The following MAGI2 variants were observed in gnomAD, a reference collection of about 807,000 sequenced individuals.
MAGI2 encodes membrane-associated guanylate kinase, WW and PDZ domain-containing protein 2.
Under a neutral mutation model 133.3 loss-of-function variants are expected in MAGI2, and 35 were observed. The ratio of observed to expected loss-of-function variants is 0.26; its 90% CI spans 0.20 to 0.35. The LOEUF (loss-of-function observed/expected upper bound fraction) is 0.35, where lower values mean the gene tolerates loss of function less well. MAGI2 is among the 10% of genes least tolerant of loss of function. The probability of loss-of-function intolerance (pLI) is 1.00; values close to 1 mark genes in which losing one functional copy is unlikely to be tolerated. For missense variants in MAGI2, 1,636 were observed against 1,863.4 expected (o/e 0.88, Z 2.25); for synonymous variants, 729 against 710.6 (o/e 1.03, Z -0.41).
chr7:78,131,729 T>C (rs757563), intron 18 of MAGI2, among the ~76,000 whole-genome samples: 112,444 of 152,112 alleles, frequency 0.74, 42,282 homozygotes, highest in African/African-American at 0.88. Flanking sequence ...AAGACAATGT[T>C]GTTCTTATGA....
chr7:78,404,560 A>G (rs921399619), intron 6 of MAGI2, among the ~76,000 whole-genome samples: 1 of 151,834 alleles, frequency 6.6e-6, no homozygotes, highest in Non-Finnish European at 1.5e-5. Flanking sequence ...CAAAAAGAAG[A>G]AATGGGGAAA....
intron 9 of MAGI2, among the ~76,000 whole-genome samples, chr7:78,332,570 C>A (rs935732115): frequency 6.6e-6 from 1 of 151,450 alleles, no homozygotes; most frequent in Non-Finnish European, 1.5e-5. Context: ...TTGTGGCGGG[C>A]GCCTGTAGTC....
chr7:79,177,743 AAT>A (rs1826227365), intron 1 of MAGI2, among the ~76,000 whole-genome samples: 1 of 152,074 alleles, frequency 6.6e-6, no homozygotes, highest in African/African-American at 2.4e-5. Flanking sequence ...AGTCTTCCCA[AAT>A]ATTATAAGGT....
At chr7:79,138,978 A>G (rs1372288662) in intron 1 of MAGI2, among the ~76,000 whole-genome samples, 2 of 14,360 alleles carry the variant, frequency 1.4e-4, no homozygotes, top group Non-Finnish European at 6.8e-4. Context: ...TCTTGTCTCA[A>G]AAAAAAAAAA....
chr7:78,518,520 A>G (rs1274856765), intron 4 of MAGI2: 2 of 152,232 alleles, frequency 1.3e-5, no homozygotes, highest in Non-Finnish European at 2.9e-5. Context: ...CATGGTAAGC[A>G]TTCAAAAGAA....
At chr7:79,377,167 G>A (rs557126731) in intron 1 of MAGI2, among the ~76,000 whole-genome samples, 77 of 151,850 alleles carry the variant, frequency 5.1e-4, no homozygotes, top group Non-Finnish European at 9.0e-4. Flanking sequence ...TATTAGGGCT[G>A]GTCTTTGAAA....
intron 2 of MAGI2, among the ~76,000 whole-genome samples, chr7:78,853,399 AGGCT>A (rs1187326540): frequency 4.6e-5 from 5 of 108,192 alleles, no homozygotes; most frequent in Non-Finnish European, 8.4e-5. Context: ...TCTGTAGTCC[AGGCT>A]GGAGTGCAGT....
chr7:78,592,828 CTTTTTTTTTTTT>C (rs10675572), intron 3 of MAGI2, among the ~76,000 whole-genome samples: 49 of 106,832 alleles, frequency 4.6e-4, no homozygotes, highest in Admixed American at 2.8e-3. Context: ...TACTGATTCT[CTTTTTTTTTTTT>C]TTTTTTTTTT....
chr7:79,349,484 C>T (rs2129107869), intron 1 of MAGI2, among the ~76,000 whole-genome samples: 1 of 147,984 alleles, frequency 6.8e-6, no homozygotes, highest in Non-Finnish European at 1.5e-5. Context: ...ATAATAATAG[C>T]TAGCACTTAC....
At chr7:79,308,148 AAC>A (rs1216698387) in intron 1 of MAGI2, among the ~76,000 whole-genome samples, 32 of 152,336 alleles carry the variant, frequency 2.1e-4, no homozygotes, top group Admixed American at 5.9e-4. Flanking sequence ...GTGTATGAAA[AAC>A]AGTGTTTAGC....
At chr7:78,160,809 G>T (rs1382191260) in intron 15 of MAGI2, among the ~76,000 whole-genome samples, 2 of 152,162 alleles carry the variant, frequency 1.3e-5, no homozygotes, top group African/African-American at 2.4e-5. Flanking sequence ...TTATAAGGAA[G>T]GCTAACAGCA....
chr7:78,573,345 TAGAGAGAGAGA>T (rs1801898610), intron 3 of MAGI2, among the ~76,000 whole-genome samples: 1 of 65,148 alleles, frequency 1.5e-5, no homozygotes, highest in African/African-American at 7.7e-5. Flanking sequence ...TATATATATA[TAGAGAGAGAGA>T]ATCCTGGAAA....
At chr7:79,066,651 G>A (rs527896893) in intron 1 of MAGI2, among the ~76,000 whole-genome samples, 1 of 152,148 alleles carries the variant, frequency 6.6e-6, no homozygotes, top group South Asian at 2.1e-4. Context: ...TGTTGCCATT[G>A]CTTTTGGTGT....
intron 1 of MAGI2, among the ~76,000 whole-genome samples, chr7:79,021,829 G>T (rs1379197731): frequency 7.8e-6 from 1 of 128,050 alleles, no homozygotes; most frequent in Non-Finnish European, 1.7e-5. Context: ...AGGGTGGAAT[G>T]ATATGGCTGC....
intron 6 of MAGI2, among the ~76,000 whole-genome samples, chr7:78,442,477 T>C (rs1787726402): frequency 6.6e-6 from 1 of 152,196 alleles, no homozygotes; most frequent in African/African-American, 2.4e-5. Context: ...GAATCAATAA[T>C]TCTGTAATCA....
At chr7:78,194,140 T>G (rs1828495782) in intron 12 of MAGI2, among the ~76,000 whole-genome samples, 1 of 152,216 alleles carries the variant, frequency 6.6e-6, no homozygotes. Context: ...AATACACAGA[T>G]TCTTCTGATA....
intron 6 of MAGI2, among the ~76,000 whole-genome samples, chr7:78,453,422 C>T (rs1222073727): frequency 3.3e-5 from 5 of 152,206 alleles, no homozygotes; most frequent in African/African-American, 1.2e-4. Flanking sequence ...TAGGTACCTG[C>T]CAGAATGGCA....
At chr7:78,343,740 T>C in intron 9 of MAGI2, 38 bp downstream of exon 9, 5 of 1,396,736 alleles carry the variant, frequency 3.6e-6, no homozygotes, top group Admixed American at 2.8e-5. Context: ...GAAAAAAAGA[T>C]GTTGCAAAAC....
intron 2 of MAGI2, among the ~76,000 whole-genome samples, chr7:78,659,113 C>T (rs1200731087): frequency 6.6e-6 from 1 of 152,092 alleles, no homozygotes; most frequent in Non-Finnish European, 1.5e-5. Context: ...TACAACCATA[C>T]CATGAAATAC....
Sources: gnomAD v4.1 joint callset for allele counts (sites outside exome capture counted in the v4.1 genomes callset) on GRCh38, gnomAD v4.1.1 for gene constraint, MANE v1.5 for transcripts, NCBI Gene and HGNC (gene_info 2026-07-23, HGNC 2026-07-21) for gene names.